The following ZNF251 variants were observed in gnomAD, a reference collection of about 807,000 sequenced individuals.
ZNF251 encodes the protein zinc finger protein 251.
A neutral mutation model predicts 13.5 loss-of-function variants in ZNF251; 14 were observed. The ratio of observed to expected loss-of-function variants is 1.04; its 90% CI spans 0.69 to 1.63. The LOEUF (loss-of-function observed/expected upper bound fraction) is 1.63. Among genes scored for constraint, ZNF251 ranks in the 40% most tolerant of loss-of-function variants. The pLI, the probability that ZNF251 is intolerant of heterozygous loss-of-function variation, is 0.00. For missense variants in ZNF251, 764 were observed against 834.9 expected (o/e 0.92, Z 1.05); for synonymous variants, 287 against 295.2 (o/e 0.97, Z 0.28).
intron 4 of ZNF251, among the ~76,000 whole-genome samples, chr8:144,731,738 C>T (rs1027288781): frequency 6.6e-6 from 1 of 152,024 alleles, no homozygotes; most frequent in African/African-American, 2.4e-5. Context: ...AGGCGTGAGC[C>T]ACCACGCCCT....
In ZNF251 at chr8:144,744,009, C is replaced by CTT. The variant is rs1168495446; in HGVS notation, c.277+9672_277+9673dup. On this transcript the variant is annotated intron_variant, in intron 4 of 4. Transcript: ENST00000292562. ...GGACTGTTTCTCATTCTCTCGTTGTCTTTTTTTTTTTTTTTTTTTTTGGAG... is the reference window on the plus strand; with the variant it reads ...GGACTGTTTCTCATTCTCTCGTTGTCTTTTTTTTTTTTTTTTTTTTTTTGGAG... Among the ~76,000 whole-genome samples the CTT allele has an allele frequency of 1.2e-3, 111 of 88,820 alleles. 1 individual carries two copies. Among genetic ancestry groups the CTT allele is most frequent in the Middle Eastern group, 0.014 (2 of 140 alleles). 58.3% of individuals were successfully genotyped at this position (88,820 alleles called of 152,430 possible).
At chr8:144,749,463 G>A (rs915939920) in intron 4 of ZNF251, among the ~76,000 whole-genome samples, 6 of 151,984 alleles carry the variant, frequency 3.9e-5, no homozygotes, top group Non-Finnish European at 8.8e-5. Flanking sequence ...TCCACCCTGG[G>A]GGACAGAGTG....
At chr8:144,729,291 C>A (rs1279399867) in intron 4 of ZNF251, among the ~76,000 whole-genome samples, 1 of 151,534 alleles carries the variant, frequency 6.6e-6, no homozygotes, top group East Asian at 1.9e-4. Context: ...ATGCGTAGTG[C>A]CCTTTTAGCA....
intron 4 of ZNF251, among the ~76,000 whole-genome samples, chr8:144,748,031 T>C (rs1824511066): frequency 6.6e-6 from 1 of 152,086 alleles, no homozygotes; most frequent in African/African-American, 2.4e-5. Flanking sequence ...CTTCCTGGCC[T>C]TCCAGAGTGC....
chr8:144,753,869 C>T (rs928370020), intron 3 of ZNF251, 73 bp from the exon 4 acceptor site: 1 of 1,194,998 alleles, frequency 8.4e-7, no homozygotes, highest in African/African-American at 1.5e-5. Context: ...GAGAGATGGG[C>T]CCTGTGTGCA....
chr8:144,745,153 T>C (rs1187898122), intron 4 of ZNF251, among the ~76,000 whole-genome samples: 1 of 151,872 alleles, frequency 6.6e-6, no homozygotes, highest in Non-Finnish European at 1.5e-5. Flanking sequence ...ATAAGACACA[T>C]TTTAAGTTAA....
At chr8:144,754,490 A>G in intron 2 of ZNF251, 169 bp from the exon 3 acceptor site, 1 of 1,446,084 alleles carries the variant, frequency 6.9e-7, no homozygotes, top group South Asian at 1.5e-5. Context: ...GGACCAGCCA[A>G]CTTCAGCTAC....
intron 4 of ZNF251, among the ~76,000 whole-genome samples, chr8:144,738,136 C>T (rs181590735): frequency 6.1e-4 from 93 of 152,202 alleles, no homozygotes; most frequent in South Asian, 3.3e-3. Context: ...AGCCCTCACC[C>T]GGCCCAGCAG....
intron 4 of ZNF251, among the ~76,000 whole-genome samples, chr8:144,748,019 C>T (rs1055476196): frequency 6.6e-6 from 1 of 152,014 alleles, no homozygotes; most frequent in Non-Finnish European, 1.5e-5. Context: ...AAGCGATCTG[C>T]CCTTCCTGGC....
intron 4 of ZNF251, among the ~76,000 whole-genome samples, chr8:144,751,028 T>A (rs1254510613): frequency 2.0e-5 from 3 of 152,014 alleles, no homozygotes; most frequent in African/African-American, 7.3e-5. Flanking sequence ...TTTGTGTTTT[T>A]AATAGAGACA....
At chr8:144,723,522 G>C in intron 4 of ZNF251, 140 bp from the exon 5 acceptor site, 1 of 539,996 alleles carries the variant, frequency 1.9e-6, no homozygotes. Context: ...GCAGAATTCA[G>C]AAGTAAAGAT....
At chr8:144,754,150 G>A in intron 3 of ZNF251, 42 bp downstream of exon 3, 1 of 1,591,924 alleles carries the variant, frequency 6.3e-7, no homozygotes, top group Non-Finnish European at 8.6e-7. Flanking sequence ...AAGCTCCTCA[G>A]AGGCCCCCAC....
At chr8:144,730,235 G>A in intron 4 of ZNF251, 1 of 459,368 alleles carries the variant, frequency 2.2e-6, no homozygotes, top group South Asian at 9.1e-5. Flanking sequence ...TGAAAGAGCA[G>A]CAAGGGTGGG....
chr8:144,745,348 TG>T (rs1824372485), intron 4 of ZNF251, among the ~76,000 whole-genome samples: 1 of 152,110 alleles, frequency 6.6e-6, no homozygotes, highest in Non-Finnish European at 1.5e-5. Context: ...TCTGTTTCAT[TG>T]ATCTATTTTT....
intron 4 of ZNF251, among the ~76,000 whole-genome samples, chr8:144,724,932 T>C (rs1823474507): frequency 6.6e-6 from 1 of 152,244 alleles, no homozygotes; most frequent in Non-Finnish European, 1.5e-5. Flanking sequence ...GCATTTTTTC[T>C]GAGGAAGGGT....
In ZNF251 at chr8:144,726,714, C is replaced by CA. The variant is rs1467441435; in HGVS notation, c.278-3333dup. Among the ~76,000 whole-genome samples the CA allele has an allele frequency of 2.0e-5, 3 of 150,494 alleles. No individual in the cohort carries two copies. The East Asian group carries it at 5.9e-4, about 30-fold the overall frequency. On this transcript the variant is annotated intron_variant, in intron 4 of 4. Transcript: ENST00000292562. ...TGAAACACCGTCTCTACTAAAAATACAAAAAATTAGCCAGGCGCGGTGGCA... is the reference window on the plus strand; with the variant it reads ...TGAAACACCGTCTCTACTAAAAATACAAAAAAATTAGCCAGGCGCGGTGGCA...
intron 2 of ZNF251, 176 bp downstream of exon 2, chr8:144,754,520 C>T: frequency 6.9e-7 from 1 of 1,449,328 alleles, no homozygotes; most frequent in South Asian, 1.5e-5. Flanking sequence ...CAGCTGAGCT[C>T]AGAGCCCCTC....
intron 4 of ZNF251, among the ~76,000 whole-genome samples, chr8:144,745,383 C>T (rs1367744574): frequency 1.3e-5 from 2 of 152,050 alleles, no homozygotes; most frequent in African/African-American, 4.8e-5. Flanking sequence ...CAATACCACA[C>T]TGCCTTGATT....
At chr8:144,736,996 G>C (rs1823926488) in intron 4 of ZNF251, among the ~76,000 whole-genome samples, 1 of 151,646 alleles carries the variant, frequency 6.6e-6, no homozygotes, top group African/African-American at 2.4e-5. Flanking sequence ...TAGAGATGGG[G>C]TTTCACCATG....
Sources: allele counts gnomAD v4.1 joint callset (sites outside exome capture counted in the v4.1 genomes callset), GRCh38; gene constraint gnomAD v4.1.1; transcripts MANE v1.5; gene names NCBI Gene and HGNC (gene_info 2026-07-23, HGNC 2026-07-21).